The following ARNT2 variants were observed in gnomAD, a reference collection of about 807,000 sequenced individuals.
ARNT2 encodes the protein aryl hydrocarbon receptor nuclear translocator 2, also known as ARNT protein 2.
In ARNT2, 36 loss-of-function variants were observed where a neutral mutation model predicts 91.7. That is an observed-to-expected ratio of 0.39 (90% confidence interval 0.30 to 0.52). ARNT2 has a LOEUF of 0.52. ARNT2 is among the 20% of genes least tolerant of loss of function. ARNT2 has a pLI of 0.72. For missense variants in ARNT2, 775 were observed against 939.3 expected (o/e 0.83, Z 2.29); for synonymous variants, 365 against 347.1 (o/e 1.05, Z -0.57).
chr15:80,499,846 T>C (rs1897167502), intron 5 of ARNT2, among the ~76,000 whole-genome samples: 1 of 152,098 alleles, frequency 6.6e-6, no homozygotes, highest in Non-Finnish European at 1.5e-5. Flanking sequence ...TAATGAAGGA[T>C]TAGTATGAGA....
At chr15:80,472,832 G>C (rs529207988) in intron 4 of ARNT2, among the ~76,000 whole-genome samples, 40 of 152,312 alleles carry the variant, frequency 2.6e-4, no homozygotes, top group African/African-American at 9.6e-4. Context: ...AAATTATTGA[G>C]CACTACTGGC....
chr15:80,500,074 G>A (rs1183755679), intron 5 of ARNT2, among the ~76,000 whole-genome samples: 1 of 152,184 alleles, frequency 6.6e-6, no homozygotes, highest in Non-Finnish European at 1.5e-5. Context: ...ACCTTTAGTA[G>A]TAGAAGGCCC....
intron 11 of ARNT2, among the ~76,000 whole-genome samples, chr15:80,559,205 G>T (rs1289496829): frequency 2.0e-5 from 3 of 152,244 alleles, no homozygotes; most frequent in African/African-American, 7.2e-5. Context: ...GACAAAGAAG[G>T]AATTTAACAT....
At chr15:80,436,799 AG>A (rs1442271918) in intron 1 of ARNT2, among the ~76,000 whole-genome samples, 1 of 152,196 alleles carries the variant, frequency 6.6e-6, no homozygotes, top group Non-Finnish European at 1.5e-5. Context: ...TCTCCTTCAA[AG>A]GTGTGGGTTT....
At chr15:80,493,561 G>A (rs947303744) in intron 5 of ARNT2, among the ~76,000 whole-genome samples, 1 of 152,090 alleles carries the variant, frequency 6.6e-6, no homozygotes, top group African/African-American at 2.4e-5. Context: ...CTTTAAGTCA[G>A]GGTGATATGA....
chr15:80,519,684 C>CT (rs1172255165), intron 8 of ARNT2, among the ~76,000 whole-genome samples: 12,744 of 121,248 alleles, frequency 0.11, 1,285 homozygotes, highest in African/African-American at 0.22. Context: ...AGGTATGTAG[C>CT]TTTTTTTTTT....
At chr15:80,517,288 A>C (rs554411611) in intron 8 of ARNT2, among the ~76,000 whole-genome samples, 3 of 152,120 alleles carry the variant, frequency 2.0e-5, no homozygotes, top group Non-Finnish European at 4.4e-5. Context: ...TCTTGTTAAC[A>C]TGGTTTCTGA....
At position 80,576,891 on chromosome 15, in the gene ARNT2, C is replaced by G; in HGVS notation, c.1539C>G (p.Ala513=). 6.2e-7 allele frequency: 1 copy of G among 1,614,058 alleles called. No homozygotes were observed. The highest frequency in any genetic ancestry group is 1.7e-5 in the Admixed American group (1 of 60,024). Residue 513 remains alanine, a synonymous_variant, in exon 15 of 19, where the codon GCC becomes GCG. Coordinates refer to ENST00000303329, the MANE Select transcript of ARNT2 (RefSeq NM_014862.4). ...SASEKKMMSS[A]SAAGTQQIYS... is the part of the protein sequence containing the mutation. The stretch of plus-strand genomic sequence containing the variant: ...CGGAGAAGAAGATGATGAGCTCAGC[C>G]TCTGCAGCAGGAACCCAGCAGATCT...
intron 1 of ARNT2, among the ~76,000 whole-genome samples, chr15:80,446,481 C>T (rs375207781): frequency 1.6e-4 from 25 of 152,276 alleles, no homozygotes; most frequent in African/African-American, 5.5e-4. Flanking sequence ...GATTGAGAAT[C>T]GTGGCCTTAG....
chr15:80,489,305 A>G (rs1469340028), intron 5 of ARNT2, among the ~76,000 whole-genome samples: 1 of 152,212 alleles, frequency 6.6e-6, no homozygotes, highest in Non-Finnish European at 1.5e-5. Flanking sequence ...TTGCTTTTTT[A>G]GTAGAAGCTA....
At chr15:80,462,210 C>CG (rs1896568166) in intron 3 of ARNT2, among the ~76,000 whole-genome samples, 2 of 117,184 alleles carry the variant, frequency 1.7e-5, no homozygotes, top group African/African-American at 6.6e-5. Flanking sequence ...TAGATTGATA[C>CG]ATTTTCTAGG....
intron 5 of ARNT2, among the ~76,000 whole-genome samples, chr15:80,480,813 C>T (rs950323896): frequency 6.6e-6 from 1 of 152,076 alleles, no homozygotes; most frequent in African/African-American, 2.4e-5. Flanking sequence ...TCTCTCTCTC[C>T]CCTCCTTCCT....
chr15:80,558,870 G>A (rs991355423), intron 11 of ARNT2, among the ~76,000 whole-genome samples: 4 of 152,196 alleles, frequency 2.6e-5, no homozygotes, highest in Non-Finnish European at 5.9e-5. Context: ...AGTCAGGTTT[G>A]GGCTGGGTGG....
intron 10 of ARNT2, among the ~76,000 whole-genome samples, chr15:80,553,961 C>T (rs1898130213): frequency 6.6e-6 from 1 of 152,148 alleles, no homozygotes; most frequent in South Asian, 2.1e-4. Flanking sequence ...TGATGGCAGC[C>T]AGACCCATTT....
chr15:80,430,219 C>T (rs183052525), intron 1 of ARNT2, among the ~76,000 whole-genome samples: 356 of 152,234 alleles, frequency 2.3e-3, no homozygotes, highest in Admixed American at 3.7e-3. Flanking sequence ...GTGCTGGATG[C>T]AACAGGCATG....
At chr15:80,475,795 G>A (rs1487864278) in intron 5 of ARNT2, among the ~76,000 whole-genome samples, 1 of 152,178 alleles carries the variant, frequency 6.6e-6, no homozygotes, top group Non-Finnish European at 1.5e-5. Flanking sequence ...CATATGCCCT[G>A]TTTGAAGTTT....
intron 1 of ARNT2, among the ~76,000 whole-genome samples, chr15:80,436,757 C>G (rs1207915802): frequency 6.6e-6 from 1 of 152,224 alleles, no homozygotes; most frequent in Non-Finnish European, 1.5e-5. Context: ...TTTAACGTCT[C>G]TGCATGCTAT....
chr15:80,450,553 C>G (rs1320296589), intron 1 of ARNT2, among the ~76,000 whole-genome samples: 1 of 152,250 alleles, frequency 6.6e-6, no homozygotes. Context: ...TCGGATTCCT[C>G]TGCATCTTAC....
At chr15:80,576,646 AG>A (rs750040486) in intron 14 of ARNT2, among the ~76,000 whole-genome samples, 1 of 152,208 alleles carries the variant, frequency 6.6e-6, no homozygotes, top group Non-Finnish European at 1.5e-5. Context: ...GGCCTAGCCT[AG>A]GGGTCAAGAA....
Sources: allele counts gnomAD v4.1 joint callset (sites outside exome capture counted in the v4.1 genomes callset), GRCh38; gene constraint gnomAD v4.1.1; transcripts MANE v1.5; gene names NCBI Gene and HGNC (gene_info 2026-07-23, HGNC 2026-07-21).